Variants in LYRM1 observed in about 807,000 individuals in gnomAD.
LYRM1 encodes LYR motif-containing protein 1.
A neutral mutation model predicts 14.9 loss-of-function variants in LYRM1; 14 were observed. The ratio of observed to expected loss-of-function variants is 0.94; its 90% CI spans 0.62 to 1.47. The LOEUF (loss-of-function observed/expected upper bound fraction) is 1.47. Ranked by LOEUF, LYRM1 falls within the 40% of genes most tolerant of loss-of-function variation. The probability of loss-of-function intolerance (pLI) is 0.00; values close to 1 mark genes in which losing one functional copy is unlikely to be tolerated. For missense variants in LYRM1, 153 were observed against 149.9 expected, an observed-to-expected ratio of 1.02 and a Z score of -0.11; for synonymous variants, 43 against 56.2, an observed-to-expected ratio of 0.77 and a Z score of 1.05.
intron 2 of LYRM1, among the ~76,000 whole-genome samples, chr16:20,919,253 A>G (rs2083063645): frequency 1.5e-5 from 2 of 132,200 alleles, no homozygotes; most frequent in South Asian, 4.8e-4. Context: ...GGTGTAGATC[A>G]TTCTCCAGTG....
At chr16:20,923,360 C>T (rs993989390) in intron 3 of LYRM1, among the ~76,000 whole-genome samples, 10 of 151,896 alleles carry the variant, frequency 6.6e-5, no homozygotes, top group East Asian at 5.8e-4. Context: ...ATTAGCCGGG[C>T]GTGGTGGCGA....
At chr16:20,900,635 GAAAAAT>G, upstream of LYRM1, 1 of 152,454 alleles carries the variant, frequency 6.6e-6, no homozygotes, top group East Asian at 1.9e-4. Context: ...AAGCGTAAAG[GAAAAAT>G]AGGGGGAGGA....
chr16:20,920,553 C>T (rs2083134806), intron 3 of LYRM1: 1 of 271,492 alleles, frequency 3.7e-6, no homozygotes, highest in Admixed American at 5.1e-5. Context: ...AAAGTTCAAA[C>T]ATGAAAGGAA....
In LYRM1 at chr16:20,924,427, C is replaced by T; in HGVS notation, c.*311C>T. The T allele has an allele frequency of 5.2e-6, 1 of 192,800 alleles. No homozygotes were observed. Among genetic ancestry groups the T allele is most frequent in the East Asian group, 1.3e-4 (1 of 7,798 alleles). The allele number at this position is 192,800 out of a possible 1,614,324, so 11.9% of individuals were successfully genotyped here. A position where few individuals can be genotyped will look rare whatever the true frequency, so the allele number is the denominator to read the frequency against. ...AGCTGTTCATGGGAATTCCATTCAC[C>T]ACACATGCCAGCTGATGCAAAGAAA... On this transcript the variant is annotated 3_prime_UTR_variant, in exon 4 of 4. Coordinates refer to ENST00000567954, the MANE Select transcript of LYRM1 (RefSeq NM_001128302.3).
At chr16:20,921,023 T>C (rs2083160987) in intron 3 of LYRM1, among the ~76,000 whole-genome samples, 1 of 151,836 alleles carries the variant, frequency 6.6e-6, no homozygotes, top group Non-Finnish European at 1.5e-5. Flanking sequence ...TGTATATAAA[T>C]TTATGTTTTC....
intron 1 of LYRM1, among the ~76,000 whole-genome samples, chr16:20,903,725 G>A (rs191301194): frequency 2.4e-4 from 36 of 152,004 alleles, no homozygotes; most frequent in Admixed American, 1.8e-3. Flanking sequence ...ATTTGATGGT[G>A]GAGGAAGCTG....
At chr16:20,910,704 G>A (rs1481523521) in intron 1 of LYRM1, among the ~76,000 whole-genome samples, 1 of 152,064 alleles carries the variant, frequency 6.6e-6, no homozygotes, top group Admixed American at 6.5e-5. Context: ...AGCCTGGGAG[G>A]TCAAAGCTGC....
chr16:20,917,569 G>C (rs2082970720), intron 2 of LYRM1, among the ~76,000 whole-genome samples: 1 of 152,080 alleles, frequency 6.6e-6, no homozygotes, highest in South Asian at 2.1e-4. Context: ...AGATGAGCCT[G>C]GCCAACATGG....
upstream of LYRM1, chr16:20,900,570 G>T (rs935446353): frequency 2.6e-5 from 4 of 152,508 alleles, no homozygotes; most frequent in African/African-American, 9.6e-5. Context: ...GGAGGGAGCT[G>T]GGCTGGACCA....
intron 3 of LYRM1, chr16:20,922,013 CAG>C (rs2083219058): frequency 6.7e-6 from 1 of 149,584 alleles, no homozygotes; most frequent in Non-Finnish European, 1.5e-5. Flanking sequence ...TTTTTTGAGA[CAG>C]AGCCTCACTC....
At chr16:20,904,197 A>G (rs758317555) in intron 1 of LYRM1, among the ~76,000 whole-genome samples, 6 of 152,170 alleles carry the variant, frequency 3.9e-5, no homozygotes, top group Non-Finnish European at 7.4e-5. Context: ...TAGAACTTCT[A>G]TCCCTGATGG....
intron 1 of LYRM1, among the ~76,000 whole-genome samples, chr16:20,903,779 G>C (rs1050250398): frequency 7.9e-5 from 12 of 150,956 alleles, no homozygotes; most frequent in African/African-American, 2.9e-4. Context: ...TTATTTATCA[G>C]AGAGTTGGAT....
At chr16:20,918,749 C>A (rs2083038411) in intron 2 of LYRM1, among the ~76,000 whole-genome samples, 1 of 152,108 alleles carries the variant, frequency 6.6e-6, no homozygotes, top group East Asian at 1.9e-4. Context: ...CAAAGGTATC[C>A]CATGAACTGC....
chr16:20,911,677 CT>C (rs907188090), intron 1 of LYRM1, among the ~76,000 whole-genome samples: 274 of 149,822 alleles, frequency 1.8e-3, no homozygotes, highest in African/African-American at 5.3e-3. Flanking sequence ...AGTAGTGGGA[CT>C]TTTTTTTTTC....
At chr16:20,908,274 T>C (rs1321263104) in intron 1 of LYRM1, among the ~76,000 whole-genome samples, 2 of 152,220 alleles carry the variant, frequency 1.3e-5, no homozygotes, top group Non-Finnish European at 2.9e-5. Flanking sequence ...GCTATTGGAA[T>C]TCACATCAAT....
chr16:20,923,797 T>C (rs1475834238), intron 3 of LYRM1, among the ~76,000 whole-genome samples: 1 of 152,222 alleles, frequency 6.6e-6, no homozygotes, highest in Non-Finnish European at 1.5e-5. Context: ...TTAACTTCTC[T>C]GAGGTTTCAT....
chr16:20,908,255 A>G (rs2082419849), intron 1 of LYRM1, among the ~76,000 whole-genome samples: 1 of 152,208 alleles, frequency 6.6e-6, no homozygotes, highest in Admixed American at 6.5e-5. Flanking sequence ...CAGGTGGCAA[A>G]TGGGGAAGGC....
In LYRM1 at chr16:20,920,008, G is replaced by A. The variant is rs2083101617; in HGVS notation, c.160-114G>A. On this transcript the variant is annotated intron_variant, in intron 2 of 3. Transcript: ENST00000567954. ...AAATTGCTTTTGATTTTCCAAATTA[G>A]TAACATTTCATTTACTGGCTAGTGA... is the stretch of plus-strand genomic sequence containing the variant. 16 of 569,814 alleles carry A rather than the reference G, an allele frequency of 2.8e-5. No individual in the cohort carries two copies. In the South Asian group the frequency reaches 5.4e-4, roughly 19 times the overall value. The allele number at this position is 569,814 out of a possible 1,614,324, so 35.3% of individuals were successfully genotyped here. A position where few individuals can be genotyped will look rare whatever the true frequency, so the allele number is the denominator to read the frequency against.
chr16:20,921,960 C>T (rs2083213215), intron 3 of LYRM1: 2 of 151,396 alleles, frequency 1.3e-5, no homozygotes, highest in South Asian at 4.2e-4. Context: ...TACTTCATGT[C>T]TTCTGCACAT....
Sources: gnomAD v4.1 joint callset for allele counts (sites outside exome capture counted in the v4.1 genomes callset) on GRCh38, gnomAD v4.1.1 for gene constraint, MANE v1.5 for transcripts, NCBI Gene and HGNC (gene_info 2026-07-23, HGNC 2026-07-21) for gene names.